TRAPPC9: variants seen among roughly 807,000 people sequenced by gnomAD.
TRAPPC9 encodes the protein IKK2 binding protein.
TRAPPC9 carries 83 observed loss-of-function variants against 124.0 expected under a neutral mutation model. The ratio of observed to expected loss-of-function variants is 0.67; its 90% CI spans 0.56 to 0.80. The LOEUF (loss-of-function observed/expected upper bound fraction) is 0.80. Among genes scored for constraint, TRAPPC9 ranks in the 30% least tolerant of loss-of-function variants. TRAPPC9 has a pLI of 0.00. For missense variants in TRAPPC9, 1,302 were observed against 1,508.3 expected (o/e 0.86, Z 2.27); for synonymous variants, 638 against 617.5 (o/e 1.03, Z -0.49).
intron 21 of TRAPPC9, among the ~76,000 whole-genome samples, chr8:139,790,375 G>C (rs572191876): frequency 2.0e-5 from 3 of 152,316 alleles, no homozygotes; most frequent in African/African-American, 4.8e-5. Flanking sequence ...ACCGGGGAGC[G>C]CTTTGTTCTT....
chr8:140,136,757 G>A (rs1465168376), intron 17 of TRAPPC9, among the ~76,000 whole-genome samples: 1 of 152,150 alleles, frequency 6.6e-6, no homozygotes, highest in East Asian at 1.9e-4. Flanking sequence ...AGAATCACTT[G>A]AACCAGGGAG....
intron 17 of TRAPPC9, among the ~76,000 whole-genome samples, chr8:140,201,728 T>G (rs2062794718): frequency 2.0e-5 from 3 of 152,294 alleles, no homozygotes; most frequent in Middle Eastern, 3.4e-3. Context: ...TACATCTAAC[T>G]CCCACTCAAA....
intron 3 of TRAPPC9, 142 bp from the exon 4 acceptor site, chr8:140,435,382 A>T: frequency 8.2e-7 from 1 of 1,221,406 alleles, no homozygotes; most frequent in Non-Finnish European, 1.2e-6. Flanking sequence ...GGAAATGCCA[A>T]TTTTTCTCCC....
chr8:140,147,884 T>C (rs1587808205), intron 17 of TRAPPC9, among the ~76,000 whole-genome samples: 1 of 152,084 alleles, frequency 6.6e-6, no homozygotes, highest in South Asian at 2.1e-4. Context: ...ACCCGGCAGG[T>C]CTAAGGCGTT....
chr8:140,083,739 A>T (rs919313019), intron 17 of TRAPPC9, among the ~76,000 whole-genome samples: 8 of 152,024 alleles, frequency 5.3e-5, no homozygotes, highest in South Asian at 2.1e-4. Flanking sequence ...TGATCTCAGC[A>T]CACTGCAACG....
Position 140,023,919 on chromosome 8 carries a change from C to T in TRAPPC9, c.2699+18G>A, listed in dbSNP as rs533758186. On this transcript the variant is annotated intron_variant, in intron 18 of 22. Coordinates refer to ENST00000438773, the MANE Select transcript of TRAPPC9 (RefSeq NM_001160372.4). ...GAGACTCTAGAACAAGACGGCTGTG[C>T]GGCAGGAAGACATTTACCTGGTTGC... 4.6e-5 allele frequency: 75 copies of T among 1,613,820 alleles called. No homozygotes were observed. Among genetic ancestry groups the T allele is most frequent in the Non-Finnish European group, 6.0e-5 (71 of 1,179,844 alleles).
At chr8:140,343,626 C>T (rs563833997) in intron 9 of TRAPPC9, among the ~76,000 whole-genome samples, 2 of 152,090 alleles carry the variant, frequency 1.3e-5, no homozygotes, top group Non-Finnish European at 2.9e-5. Flanking sequence ...AGACAAAGAC[C>T]CACAGAAGCC....
chr8:139,934,357 G>T (rs1259727499), intron 19 of TRAPPC9, among the ~76,000 whole-genome samples: 1 of 152,150 alleles, frequency 6.6e-6, no homozygotes, highest in Non-Finnish European at 1.5e-5. Context: ...TACCTGGCAG[G>T]GGTGTCTCCT....
At chr8:139,744,182 A>T (rs1551758) in intron 21 of TRAPPC9, among the ~76,000 whole-genome samples, 1 of 152,206 alleles carries the variant, frequency 6.6e-6, no homozygotes, top group Non-Finnish European at 1.5e-5. Flanking sequence ...ATTTTATTTC[A>T]ACTCTTTATT....
At chr8:140,167,260 A>G (rs2061856666) in intron 17 of TRAPPC9, among the ~76,000 whole-genome samples, 2 of 152,358 alleles carry the variant, frequency 1.3e-5, no homozygotes, top group Middle Eastern at 6.8e-3. Flanking sequence ...CTCTTGGGAC[A>G]TAAGCAGGAC....
intron 19 of TRAPPC9, chr8:139,933,204 T>C (rs1331127797): frequency 6.5e-6 from 1 of 152,738 alleles, no homozygotes; most frequent in African/African-American, 2.4e-5. Flanking sequence ...CTGGATTCTG[T>C]GCCTACCTGC....
Position 139,925,747 on chromosome 8 carries a change from T to TAA in TRAPPC9, c.2811-15449_2811-15448dup, listed in dbSNP as rs745528003. ...TGGGCAACAGAATGAGACTCCATCT[T>TAA]AAAAAAAAAAAAAAAAAGAAAGCCT... On this transcript the variant is annotated intron_variant, in intron 19 of 22. Coordinates refer to ENST00000438773, the MANE Select transcript of TRAPPC9 (RefSeq NM_001160372.4). Among the ~76,000 whole-genome samples the TAA allele has an allele frequency of 1.4e-3, 180 of 124,954 alleles. 3 individuals carry two copies. Among genetic ancestry groups the TAA allele is most frequent in the African/African-American group, 4.8e-3 (162 of 33,736 alleles). The allele number at this position is 124,954 out of a possible 152,430, so 82.0% of individuals were successfully genotyped here.
chr8:140,308,399 A>T (rs1293373915), intron 10 of TRAPPC9, among the ~76,000 whole-genome samples: 1 of 151,332 alleles, frequency 6.6e-6, no homozygotes, highest in Non-Finnish European at 1.5e-5. Context: ...GGTCGTACTG[A>T]GGTTCCGTGG....
intron 21 of TRAPPC9, among the ~76,000 whole-genome samples, chr8:139,747,022 AT>A (rs1818943508): frequency 6.6e-6 from 1 of 152,248 alleles, no homozygotes; most frequent in Non-Finnish European, 1.5e-5. Flanking sequence ...AATGGAAAAT[AT>A]GCCTGCTGGC....
chr8:140,104,566 C>T lies in TRAPPC9; in HGVS notation c.2557-80487G>A, dbSNP rs901924426. On this transcript the variant is annotated intron_variant, in intron 17 of 22. Coordinates refer to ENST00000438773, the MANE Select transcript of TRAPPC9 (RefSeq NM_001160372.4). The surrounding 1 kb of genome is among the most constrained non-coding windows in gnomAD (Gnocchi z 4.0). ...GAAACAGATGAAAGAGGCCAAGTTT[C>T]TCCCGATATTTTCAGCCACAGTCTG... 5.9e-5 allele frequency among the ~76,000 whole-genome samples: 9 copies of T among 152,150 alleles called. No individual in the cohort carries two copies. Among genetic ancestry groups the T allele is most frequent in the African/African-American group, 2.2e-4 (9 of 41,446 alleles).
intron 5 of TRAPPC9, among the ~76,000 whole-genome samples, chr8:140,421,188 T>G (rs1293148170): frequency 6.6e-6 from 1 of 152,142 alleles, no homozygotes; most frequent in African/African-American, 2.4e-5. Flanking sequence ...AATTCTAAAG[T>G]TAGAATATTG....
intron 16 of TRAPPC9, among the ~76,000 whole-genome samples, chr8:140,247,174 A>T (rs1427304248): frequency 1.3e-5 from 2 of 152,214 alleles, no homozygotes; most frequent in South Asian, 2.1e-4. Context: ...ACGTCTCTCT[A>T]GTTACTTTGG....
chr8:139,805,979 C>T (rs1228349627), intron 21 of TRAPPC9, among the ~76,000 whole-genome samples: 5 of 152,194 alleles, frequency 3.3e-5, no homozygotes, highest in Non-Finnish European at 2.9e-5. Context: ...CAGGGGTGTG[C>T]GCGGAGCACG....
intron 18 of TRAPPC9, among the ~76,000 whole-genome samples, chr8:139,990,444 C>CACACACACATATACACTCTCAT (rs1837563226): frequency 6.6e-6 from 1 of 152,114 alleles, no homozygotes; most frequent in South Asian, 2.1e-4. Flanking sequence ...CAGAAGTTCA[C>CACACACACATATACACTCTCAT]ACACACACAT....
Sources: allele counts gnomAD v4.1 joint callset (sites outside exome capture counted in the v4.1 genomes callset), GRCh38; gene constraint gnomAD v4.1.1; non-coding constraint Gnocchi (gnomAD v3.1); transcripts MANE v1.5; gene names NCBI Gene and HGNC (gene_info 2026-07-23, HGNC 2026-07-21).